TSGA13: variants seen among roughly 807,000 people sequenced by gnomAD.
TSGA13 encodes testis specific 13.
Under a neutral mutation model 35.1 loss-of-function variants are expected in TSGA13, and 37 were observed. The ratio of observed to expected loss-of-function variants is 1.05; its 90% CI spans 0.81 to 1.39. The LOEUF is 1.39. Ranked by LOEUF, TSGA13 falls within the 40% of genes most tolerant of loss-of-function variation. The probability of loss-of-function intolerance (pLI) is 0.00; values close to 1 mark genes in which losing one functional copy is unlikely to be tolerated. For synonymous variants in TSGA13, 124 were observed against 121.2 expected, an observed-to-expected ratio of 1.02 and a Z score of -0.15; for missense variants, 338 against 328.5, an observed-to-expected ratio of 1.03 and a Z score of -0.22.
intron 5 of TSGA13, among the ~76,000 whole-genome samples, chr7:130,674,149 CTTCTTTTTT>C (rs1796351285): frequency 1.4e-5 from 2 of 140,604 alleles, no homozygotes; most frequent in South Asian, 2.4e-4. Flanking sequence ...TTCTTCTTTT[CTTCTTTTTT>C]TTCTTTTTTT....
rs184255982 is a variant in TSGA13, at chr7:130,674,393, G to A, written c.388-1517C>T. 5.1e-3 allele frequency among the ~76,000 whole-genome samples: 770 copies of A among 151,824 alleles called. 4 individuals carry two copies. Among genetic ancestry groups the A allele is most frequent in the African/African-American group, 0.018 (727 of 41,440 alleles). The stretch of plus-strand genomic sequence containing the variant: ...TCACCATGTTGGCCAGACTGGTCTC[G>A]AACTCCTGACCTCGTGATCCACCTG... On this transcript the variant is annotated intron_variant, in intron 5 of 7. Transcript: ENST00000356588.
In TSGA13 at chr7:130,679,224, G is replaced by C; in HGVS notation, c.318C>G (p.Cys106Trp). 6.2e-7 allele frequency: 1 copy of C among 1,614,132 alleles called. No homozygotes were observed. The highest frequency in any genetic ancestry group is 8.5e-7 in the Non-Finnish European group (1 of 1,180,012). ...LLIMTNNPPP[C>W]SITQQDKESA... ...TCTCCTTGTCTTGCTGGGTGATTGA[G>C]CAGGGAGGTGGGTTGTTGGTCATAA... The change falls in exon 5 of 8, where the codon TGC (cysteine) becomes TGG (tryptophan). Residue 106 changes from cysteine to tryptophan, a missense_variant. Cys to Trp is a radical substitution (Grantham distance 215). Coordinates refer to ENST00000356588, the MANE Select transcript of TSGA13 (RefSeq NM_052933.4).
At chr7:130,675,005 T>C (rs1019650170) in intron 5 of TSGA13, among the ~76,000 whole-genome samples, 13 of 152,102 alleles carry the variant, frequency 8.5e-5, no homozygotes, top group African/African-American at 3.1e-4. Flanking sequence ...AACTAAGATA[T>C]AGATAACTAT....
At chr7:130,669,268 A>G in intron 7 of TSGA13, 85 bp from the exon 8 acceptor site, 1 of 1,528,460 alleles carries the variant, frequency 6.5e-7, no homozygotes, top group Non-Finnish European at 8.9e-7. Context: ...AAGGAGACGC[A>G]CTTGGAGGGA....
Position 130,675,957 on chromosome 7 carries a change from C to T in TSGA13, c.388-3081G>A, listed in dbSNP as rs370361900. On this transcript the variant is annotated intron_variant, in intron 5 of 7. Transcript: ENST00000356588. ...CTGGTCTCAACTAGGAGTGGGGACA[C>T]GGTCCTGTTGTACAAAATAGAACTT... is the stretch of plus-strand genomic sequence containing the variant. Among the ~76,000 whole-genome samples the T allele has an allele frequency of 5.9e-5, 9 of 152,304 alleles. No individual in the cohort carries two copies. In the East Asian group the frequency reaches 1.4e-3, roughly 23 times the overall value.
rs1554465414 is a variant in TSGA13 at position 130,683,705 on chromosome 7, T to C, written c.24-33A>G. The C allele has an allele frequency of 2.5e-6, 4 of 1,606,340 alleles. No homozygotes were observed. The African/African-American group carries it at 4.0e-5, about 16-fold the overall frequency. On this transcript the variant is annotated intron_variant, in intron 2 of 7. Coordinates refer to ENST00000356588, the MANE Select transcript of TSGA13 (RefSeq NM_052933.4). The stretch of plus-strand genomic sequence containing the variant: ...AGAGGCAGAACATCCGGTTGCACTT[T>C]CTGGCTCAGAGGCCTGGACTTCTGC...
intron 5 of TSGA13, among the ~76,000 whole-genome samples, chr7:130,677,455 C>T (rs970273101): frequency 8.6e-5 from 13 of 151,012 alleles, no homozygotes; most frequent in African/African-American, 1.2e-4. Context: ...GATAGAGTCT[C>T]GCCCTGTCGC....
intron 3 of TSGA13, among the ~76,000 whole-genome samples, chr7:130,682,949 A>G (rs1298012611): frequency 5.9e-5 from 9 of 152,228 alleles, no homozygotes; most frequent in African/African-American, 2.2e-4. Flanking sequence ...CCTGCTTCAC[A>G]ACTATGAAAT....
Position 130,668,926 on chromosome 7 carries a change from C to A in TSGA13, c.*88G>T. The stretch of plus-strand genomic sequence containing the variant: ...GCGACCCGGGAGCCCACGCCCGCAG[C>A]AGCAGGAATGTGGTTTTATTTGGGT... On this transcript the variant is annotated 3_prime_UTR_variant, in exon 8 of 8. Coordinates refer to ENST00000356588, the MANE Select transcript of TSGA13 (RefSeq NM_052933.4). 1 of 1,518,550 alleles carries A rather than the reference C, an allele frequency of 6.6e-7. No homozygotes were observed. Among genetic ancestry groups the A allele is most frequent in the Non-Finnish European group, 8.8e-7 (1 of 1,131,686 alleles). The allele number at this position is 1,518,550 out of a possible 1,614,324, so 94.1% of individuals were successfully genotyped here.
chr7:130,672,916 G>C (rs1796315060), intron 5 of TSGA13, 40 bp from the exon 6 acceptor site: 1 of 1,576,130 alleles, frequency 6.3e-7, no homozygotes, highest in African/African-American at 1.4e-5. Context: ...GGAGTAAGCT[G>C]AGTCCCTTGG....
At chr7:130,671,189 A>G (rs1468709017) in intron 7 of TSGA13, among the ~76,000 whole-genome samples, 2 of 152,170 alleles carry the variant, frequency 1.3e-5, no homozygotes, top group African/African-American at 4.8e-5. Context: ...TCTTCAAAGT[A>G]TAATATGCAT....
At chr7:130,675,629 T>A (rs1796396238) in intron 5 of TSGA13, among the ~76,000 whole-genome samples, 1 of 152,206 alleles carries the variant, frequency 6.6e-6, no homozygotes, top group Non-Finnish European at 1.5e-5. Flanking sequence ...GTGATCTGCC[T>A]GCCTCGGCCT....
intron 5 of TSGA13, among the ~76,000 whole-genome samples, chr7:130,677,211 T>A (rs1796433694): frequency 6.6e-6 from 1 of 151,832 alleles, no homozygotes; most frequent in Non-Finnish European, 1.5e-5. Flanking sequence ...TTCTTAAATA[T>A]CTCATAATTA....
At chr7:130,679,927 G>T (rs1301330287) in intron 4 of TSGA13, among the ~76,000 whole-genome samples, 3 of 152,130 alleles carry the variant, frequency 2.0e-5, no homozygotes. Context: ...GTGATGGAAA[G>T]GTTTCCATGG....
At chr7:130,680,205 A>G (rs1217163353) in intron 4 of TSGA13, among the ~76,000 whole-genome samples, 2 of 152,168 alleles carry the variant, frequency 1.3e-5, no homozygotes, top group Non-Finnish European at 2.9e-5. Flanking sequence ...CACAAGCACA[A>G]TGTTAAAAAA....
intron 7 of TSGA13, among the ~76,000 whole-genome samples, chr7:130,670,860 C>G (rs1238388203): frequency 6.6e-6 from 1 of 152,148 alleles, no homozygotes; most frequent in Non-Finnish European, 1.5e-5. Flanking sequence ...CCCCTGGCCT[C>G]CAGCAATCCT....
intron 5 of TSGA13, among the ~76,000 whole-genome samples, chr7:130,675,823 G>A (rs2116311200): frequency 6.6e-6 from 1 of 152,310 alleles, no homozygotes; most frequent in East Asian, 1.9e-4. Context: ...AGGTTGGTTG[G>A]TTTTTGTTTT....
At chr7:130,683,312 T>C (rs1796590098) in intron 3 of TSGA13, among the ~76,000 whole-genome samples, 1 of 152,200 alleles carries the variant, frequency 6.6e-6, no homozygotes, top group South Asian at 2.1e-4. Context: ...CAAGAGGTAG[T>C]TGTAAAGTCT....
chr7:130,674,696 A>G (rs1490341006), intron 5 of TSGA13, among the ~76,000 whole-genome samples: 1 of 152,206 alleles, frequency 6.6e-6, no homozygotes, highest in Non-Finnish European at 1.5e-5. Context: ...TGTTCAATAA[A>G]TATTTGTTGA....
Sources: gnomAD v4.1 joint callset for allele counts (sites outside exome capture counted in the v4.1 genomes callset) on GRCh38, gnomAD v4.1.1 for gene constraint, MANE v1.5 for transcripts, NCBI Gene and HGNC (gene_info 2026-07-23, HGNC 2026-07-21) for gene names.